GRID2: variants seen among roughly 807,000 people sequenced by gnomAD.
The protein encoded by GRID2 is glutamate receptor ionotropic, delta-2.
GRID2 carries 33 observed loss-of-function variants against 114.8 expected under a neutral mutation model. The ratio of observed to expected loss-of-function variants is 0.29; its 90% confidence interval spans 0.22 to 0.38. GRID2 has a LOEUF of 0.38. Ranked by LOEUF, GRID2 falls within the 10% of genes least tolerant of loss-of-function variation. The probability of loss-of-function intolerance (pLI) is 1.00; values close to 1 mark genes in which losing one functional copy is unlikely to be tolerated. For missense variants in GRID2, 1,184 were observed against 1,257.7 expected (o/e 0.94, Z 0.89); for synonymous variants, 505 against 449.9 (o/e 1.12, Z -1.55).
intron 14 of GRID2, among the ~76,000 whole-genome samples, chr4:93,629,626 A>G (rs984909437): frequency 7.9e-5 from 12 of 152,194 alleles, no homozygotes; most frequent in African/African-American, 2.7e-4. Context: ...ATCCGGGGCC[A>G]TTGATATTAC....
chr4:92,488,862 G>C (rs1723019777), intron 1 of GRID2, among the ~76,000 whole-genome samples: 1 of 152,090 alleles, frequency 6.6e-6, no homozygotes, highest in African/African-American at 2.4e-5. Flanking sequence ...TTGGGGAATA[G>C]ACATGCTGAG....
chr4:93,125,440 C>T (rs1026649573), intron 4 of GRID2, among the ~76,000 whole-genome samples: 1 of 151,854 alleles, frequency 6.6e-6, no homozygotes, highest in Non-Finnish European at 1.5e-5. Flanking sequence ...GTATTTTATT[C>T]TGTTAAAACT....
At position 92,766,091 on chromosome 4, in the gene GRID2, C is replaced by T. The variant is rs555657448; in HGVS notation, c.244+175805C>T. ...AGCTCTAGGAGATAGATTTCATAGC[C>T]TACAGTCAATACAGATAATCTTCTG... On this transcript the variant is annotated intron_variant, in intron 2 of 15. Coordinates refer to ENST00000282020, the MANE Select transcript of GRID2 (RefSeq NM_001510.4). 3.3e-5 allele frequency among the ~76,000 whole-genome samples: 5 copies of T among 152,256 alleles called. No individual in the cohort carries two copies. In the South Asian group the frequency reaches 8.3e-4, roughly 25 times the overall value.
rs565726290 is a variant in GRID2, at chr4:93,391,497, A to T, written c.1246-4110A>T. Among the ~76,000 whole-genome samples, 29 of 152,266 alleles carry T rather than the reference A, an allele frequency of 1.9e-4. No individual in the cohort carries two copies. In the South Asian group the frequency reaches 5.2e-3, roughly 27 times the overall value. On this transcript the variant is annotated intron_variant, in intron 8 of 15. Coordinates refer to ENST00000282020, the MANE Select transcript of GRID2 (RefSeq NM_001510.4). ...ATATTTTGTGTCCGGCAGCTGGAGC[A>T]TTGGTCGTACAGATGGGCTTCATTT...
chr4:93,758,392 A>G lies in GRID2; in HGVS notation c.2361-10818A>G, dbSNP rs180934364. 1.2e-3 allele frequency among the ~76,000 whole-genome samples: 182 copies of G among 152,302 alleles called. 1 individual carries two copies. The highest frequency in any genetic ancestry group is 4.2e-3 in the African/African-American group (174 of 41,582). On this transcript the variant is annotated intron_variant, in intron 14 of 15. Transcript: ENST00000282020. ...ATGCTCTGAGTTTTTTAAAATATGT[A>G]TCAGTGTACAACCTCTAACTTAGAT...
intron 2 of GRID2, among the ~76,000 whole-genome samples, chr4:93,001,437 AT>A (rs1720968604): frequency 6.6e-6 from 1 of 151,696 alleles, no homozygotes; most frequent in South Asian, 2.1e-4. Flanking sequence ...AATGAATAAT[AT>A]GAATTATTAT....
chr4:92,841,432 T>A (rs1742886696), intron 2 of GRID2, among the ~76,000 whole-genome samples: 1 of 152,130 alleles, frequency 6.6e-6, no homozygotes, highest in Non-Finnish European at 1.5e-5. Context: ...GAGCTATTTA[T>A]GTCTTTCAAT....
At chr4:92,990,714 A>T (rs531081230) in intron 2 of GRID2, among the ~76,000 whole-genome samples, 1 of 152,260 alleles carries the variant, frequency 6.6e-6, no homozygotes, top group African/African-American at 2.4e-5. Flanking sequence ...CTGAAGAAAA[A>T]AAAATGAAGT....
chr4:92,781,681 T>C (rs1385254339), intron 2 of GRID2, among the ~76,000 whole-genome samples: 1 of 152,058 alleles, frequency 6.6e-6, no homozygotes, highest in Non-Finnish European at 1.5e-5. Flanking sequence ...TTTTCAAACT[T>C]CTACTTTTAT....
At chr4:93,647,098 G>A (rs929916131) in intron 14 of GRID2, among the ~76,000 whole-genome samples, 26 of 152,126 alleles carry the variant, frequency 1.7e-4, no homozygotes, top group African/African-American at 6.3e-4. Flanking sequence ...TGTGTTAGAT[G>A]AAGGACTTTG....
At chr4:93,288,744 T>C (rs546172436) in intron 8 of GRID2, among the ~76,000 whole-genome samples, 1 of 152,340 alleles carries the variant, frequency 6.6e-6, no homozygotes, top group East Asian at 1.9e-4. Context: ...CATATTCTTG[T>C]GAAGGTTTAA....
intron 2 of GRID2, among the ~76,000 whole-genome samples, chr4:92,637,836 A>G (rs1392331562): frequency 6.6e-6 from 1 of 151,980 alleles, no homozygotes; most frequent in African/African-American, 2.4e-5. Flanking sequence ...TGTTACAATT[A>G]TTTGTCATGG....
At chr4:93,088,617 G>A (rs1270166600) in intron 3 of GRID2, among the ~76,000 whole-genome samples, 1 of 152,084 alleles carries the variant, frequency 6.6e-6, no homozygotes, top group East Asian at 1.9e-4. Context: ...GCAAAAATAT[G>A]TGAGAAACAG....
intron 2 of GRID2, among the ~76,000 whole-genome samples, chr4:93,064,698 T>C (rs1281155838): frequency 6.6e-6 from 1 of 151,940 alleles, no homozygotes; most frequent in African/African-American, 2.4e-5. Context: ...GATTATTGTG[T>C]TTCACATCTA....
At chr4:93,732,232 T>C (rs1730547071) in intron 14 of GRID2, among the ~76,000 whole-genome samples, 1 of 152,176 alleles carries the variant, frequency 6.6e-6, no homozygotes, top group Admixed American at 6.5e-5. Flanking sequence ...TTATACTTTT[T>C]ATGTGACAAT....
intron 2 of GRID2, among the ~76,000 whole-genome samples, chr4:92,920,423 A>C (rs1486827005): frequency 6.6e-6 from 1 of 152,120 alleles, no homozygotes; most frequent in East Asian, 1.9e-4. Context: ...TCATTAGTTG[A>C]TGCAGTTTCT....
chr4:92,709,589 A>AATATATATATAT (rs1553919235), intron 2 of GRID2, among the ~76,000 whole-genome samples: 7 of 114,636 alleles, frequency 6.1e-5, no homozygotes, highest in East Asian at 5.8e-4. Flanking sequence ...AAAAAAAAAA[A>AATATATATATAT]ATATATATAT....
chr4:93,564,174 T>A (rs72670635), intron 13 of GRID2, among the ~76,000 whole-genome samples: 11,705 of 152,058 alleles, frequency 0.077, 596 homozygotes, highest in African/African-American at 0.14. Flanking sequence ...TAAAAATCTA[T>A]AAGTTTGAAA....
intron 10 of GRID2, among the ~76,000 whole-genome samples, chr4:93,445,122 TTTATTC>T (rs1342133569): frequency 2.6e-5 from 4 of 152,040 alleles, no homozygotes; most frequent in Non-Finnish European, 5.9e-5. Context: ...AGGAAGGATT[TTTATTC>T]TTATTCTTAT....
Sources: gnomAD v4.1 joint callset for allele counts (sites outside exome capture counted in the v4.1 genomes callset) on GRCh38, gnomAD v4.1.1 for gene constraint, MANE v1.5 for transcripts, NCBI Gene and HGNC (gene_info 2026-07-23, HGNC 2026-07-21) for gene names.